The following IQCE variants were observed in gnomAD, a reference collection of about 807,000 sequenced individuals.
IQCE encodes the protein IQ domain-containing protein E.
In IQCE, 115 loss-of-function variants were observed where a neutral mutation model predicts 96.0. The observed-to-expected ratio is 1.20, with a 90% CI of 1.03 to 1.40. The LOEUF is 1.40. Ranked by LOEUF, IQCE falls within the 40% of genes most tolerant of loss-of-function variation. The pLI, the probability that IQCE is intolerant of heterozygous loss-of-function variation, is 0.00. For synonymous variants in IQCE, 412 were observed against 371.2 expected (o/e 1.11, Z -1.26); for missense variants, 1,041 against 909.1 (o/e 1.15, Z -1.87).
intron 19 of IQCE, among the ~76,000 whole-genome samples, chr7:2,605,480 C>T (rs1358071812): frequency 1.3e-5 from 2 of 151,934 alleles, no homozygotes; most frequent in Non-Finnish European, 2.9e-5. Flanking sequence ...ATTAGCCGGG[C>T]GTGGTGGCGG....
chr7:2,563,266 G>T (rs1469690670), intron 1 of IQCE, among the ~76,000 whole-genome samples: 1 of 152,062 alleles, frequency 6.6e-6, no homozygotes, highest in Non-Finnish European at 1.5e-5. Context: ...GTGCGATCAT[G>T]GCTCACTGCA....
intron 16 of IQCE, 77 bp from the exon 17 acceptor site, chr7:2,598,388 A>G (rs1286117028): frequency 1.1e-5 from 15 of 1,391,236 alleles, no homozygotes; most frequent in Admixed American, 2.3e-5. Flanking sequence ...ATGCCGGGTA[A>G]TATCCTGTCC....
Position 2,597,538 on chromosome 7 carries a change from C to T in IQCE, c.1441-927C>T, listed in dbSNP as rs542998581. ...CTGGGAGCAGTCTTGTGTCTCCCTCCGGGGAGGGCTTTCAGCAACAGCGTG... is the reference window on the plus strand; with the variant it reads ...CTGGGAGCAGTCTTGTGTCTCCCTCTGGGGAGGGCTTTCAGCAACAGCGTG... On this transcript the variant is annotated intron_variant, in intron 16 of 21. Transcript: ENST00000402050. Among the ~76,000 whole-genome samples the T allele has an allele frequency of 3.3e-3, 497 of 152,372 alleles. 3 individuals are homozygous for T. Among genetic ancestry groups the T allele is most frequent in the African/African-American group, 0.011 (468 of 41,588 alleles).
chr7:2,602,087 GC>G lies in IQCE; in HGVS notation c.1632+626del, dbSNP rs1221383356. ...ACACACAAGTGAACGAGTGGTTACAGCCCGGGGTGGCGCTGGGGGTGGCCAG... is the reference window on the plus strand; with the variant it reads ...ACACACAAGTGAACGAGTGGTTACAGCCGGGGTGGCGCTGGGGGTGGCCAG... On this transcript the variant is annotated intron_variant, in intron 18 of 21. Coordinates refer to ENST00000402050, the MANE Select transcript of IQCE (RefSeq NM_152558.5). 1.9e-5 allele frequency: 3 copies of G among 154,176 alleles called. No homozygotes were observed. In the Admixed American group the frequency reaches 2.0e-4, roughly 10 times the overall value. The allele number at this position is 154,176 out of a possible 1,614,324, so 9.6% of individuals were successfully genotyped here.
At chr7:2,578,645 C>A in intron 8 of IQCE, 119 bp downstream of exon 8, 1 of 1,097,448 alleles carries the variant, frequency 9.1e-7, no homozygotes, top group Non-Finnish European at 1.4e-6. Context: ...AGGGGGGAGG[C>A]TGCGGACCCC....
chr7:2,579,324 A>G (rs1306120410), intron 8 of IQCE, among the ~76,000 whole-genome samples: 2 of 152,224 alleles, frequency 1.3e-5, no homozygotes, highest in Non-Finnish European at 2.9e-5. Flanking sequence ...AACGCAAAGA[A>G]TAAAATAACA....
At chr7:2,603,465 C>T (rs941072377) in intron 18 of IQCE, among the ~76,000 whole-genome samples, 1 of 141,676 alleles carries the variant, frequency 7.1e-6, no homozygotes, top group Non-Finnish European at 1.6e-5. Context: ...GCCGTCTCCC[C>T]ATCCTGCTTC....
chr7:2,559,293 G>C, intron 1 of IQCE, 76 bp downstream of exon 1: 1 of 956,788 alleles, frequency 1.0e-6, no homozygotes, highest in Non-Finnish European at 1.3e-6. Flanking sequence ...CGCAGCCTCG[G>C]GGCCCCGCGC....
chr7:2,582,062 A>G (rs1291554371), intron 8 of IQCE: 3 of 469,022 alleles, frequency 6.4e-6, no homozygotes, highest in East Asian at 6.9e-5. Flanking sequence ...TAAGCAAGAC[A>G]TTCACAGAAA....
intron 18 of IQCE, among the ~76,000 whole-genome samples, chr7:2,602,837 A>G (rs4719598): frequency 0.48 from 73,496 of 152,154 alleles, 18,078 homozygotes; most frequent in African/African-American, 0.56. Flanking sequence ...TGTGGGCGGC[A>G]CACCAGGCTC....
At chr7:2,588,160 A>G (rs1301356428) in intron 13 of IQCE, among the ~76,000 whole-genome samples, 2 of 152,148 alleles carry the variant, frequency 1.3e-5, no homozygotes, top group African/African-American at 2.4e-5. Flanking sequence ...TGGGCTGTGC[A>G]CTGCCCGCTG....
At chr7:2,562,285 CATAT>C (rs59044593) in intron 1 of IQCE, among the ~76,000 whole-genome samples, 1 of 146,246 alleles carries the variant, frequency 6.8e-6, no homozygotes, top group Non-Finnish European at 1.5e-5. Context: ...AATTAGGGTA[CATAT>C]ATATATATAT....
At chr7:2,592,946 T>G in intron 14 of IQCE, 76 bp from the exon 15 acceptor site, 1 of 1,484,932 alleles carries the variant, frequency 6.7e-7, no homozygotes, top group Non-Finnish European at 9.1e-7. Flanking sequence ...CACTGTCATT[T>G]TCTGAAGTGC....
At chr7:2,603,322 CTCTG>C (rs145635621) in intron 18 of IQCE, among the ~76,000 whole-genome samples, 130 of 152,336 alleles carry the variant, frequency 8.5e-4, no homozygotes, top group African/African-American at 2.8e-3. Flanking sequence ...AGAATGCAAG[CTCTG>C]TCTTTTTGCC....
rs552101981 is a variant in IQCE at position 2,611,070 on chromosome 7, C to T, written c.*908C>T. The T allele has an allele frequency of 1.9e-3, 291 of 150,582 alleles. 1 individual carries two copies. In the Middle Eastern group the frequency reaches 0.037, roughly 19 times the overall value. 9.3% of individuals were successfully genotyped at this position (150,582 alleles called of 1,614,324 possible). A position where few individuals can be genotyped will look rare whatever the true frequency, so the allele number is the denominator to read the frequency against. On this transcript the variant is annotated 3_prime_UTR_variant, in exon 22 of 22. Transcript: ENST00000402050. ...TGCATCTGGTGTCTGGGACAGTCCC[C>T]GTCACCCCATGTGTGCGGCCTCTGC...
intron 9 of IQCE, 143 bp from the exon 10 acceptor site, chr7:2,583,494 G>T: frequency 5.3e-6 from 2 of 379,166 alleles, no homozygotes; most frequent in Non-Finnish European, 9.7e-6. Flanking sequence ...CAAGTCAAAT[G>T]AAGGCCCGTT....
intron 12 of IQCE, 62 bp downstream of exon 12, chr7:2,586,433 G>T: frequency 6.6e-7 from 1 of 1,504,996 alleles, no homozygotes; most frequent in Non-Finnish European, 9.0e-7. Flanking sequence ...GGCAGGGCAT[G>T]GCCACTGGGT....
At chr7:2,593,147 C>T (rs1484408027) in intron 15 of IQCE, 21 bp downstream of exon 15, 2 of 1,601,068 alleles carry the variant, frequency 1.2e-6, no homozygotes, top group South Asian at 2.2e-5. Flanking sequence ...CGGGTCAGGG[C>T]TGGAGAGGAC....
chr7:2,567,245 G>T (rs377620599), intron 2 of IQCE, 82 bp downstream of exon 2: 1 of 1,073,302 alleles, frequency 9.3e-7, no homozygotes. Context: ...CGTAAAATAG[G>T]CCGTTCTCCA....
Sources: gnomAD v4.1 joint callset for allele counts (sites outside exome capture counted in the v4.1 genomes callset) on GRCh38, gnomAD v4.1.1 for gene constraint, MANE v1.5 for transcripts, NCBI Gene and HGNC (gene_info 2026-07-23, HGNC 2026-07-21) for gene names.